Variants in KIF5C observed in about 807,000 individuals in gnomAD.
KIF5C encodes kinesin family member 5C.
A neutral mutation model predicts 125.2 loss-of-function variants in KIF5C; 18 were observed. The observed-to-expected ratio is 0.14, with a 90% CI of 0.10 to 0.21. The LOEUF (loss-of-function observed/expected upper bound fraction) is 0.21. KIF5C is among the 10% of genes least tolerant of loss of function. KIF5C has a pLI of 1.00. For missense variants in KIF5C, 780 were observed against 1,183.8 expected (o/e 0.66, Z 5.01); for synonymous variants, 405 against 434.0 (o/e 0.93, Z 0.83).
intron 1 of KIF5C, among the ~76,000 whole-genome samples, chr2:148,901,064 A>G (rs1364779944): frequency 6.6e-6 from 1 of 152,258 alleles, no homozygotes; most frequent in Non-Finnish European, 1.5e-5. Context: ...AGAAAGGGAC[A>G]TGATACAAGT....
At chr2:149,015,765 G>A (rs1682340643) in intron 25 of KIF5C, among the ~76,000 whole-genome samples, 1 of 152,188 alleles carries the variant, frequency 6.6e-6, no homozygotes, top group Non-Finnish European at 1.5e-5. Flanking sequence ...CATTGGGCAA[G>A]TTACTTGATT....
At chr2:149,002,327 C>T (rs145433955) in intron 21 of KIF5C, among the ~76,000 whole-genome samples, 1 of 152,304 alleles carries the variant, frequency 6.6e-6, no homozygotes, top group Non-Finnish European at 1.5e-5. Context: ...GTCTCACTCA[C>T]ACCTACAACT....
chr2:148,911,392 G>A (rs556446315), intron 1 of KIF5C, among the ~76,000 whole-genome samples: 13 of 152,274 alleles, frequency 8.5e-5, no homozygotes, highest in African/African-American at 2.6e-4. Context: ...CCACAAGGCC[G>A]GGCTGGTGCA....
chr2:149,025,583 G>C lies in KIF5C; in HGVS notation c.*2513G>C, dbSNP rs1407838771. 6.6e-6 allele frequency: 1 copy of C among 152,144 alleles called. No individual in the cohort carries two copies. Among genetic ancestry groups the C allele is most frequent in the Non-Finnish European group, 1.5e-5 (1 of 68,028 alleles). The allele number at this position is 152,144 out of a possible 1,614,324, so 9.4% of individuals were successfully genotyped here. On this transcript the variant is annotated 3_prime_UTR_variant, in exon 26 of 26. Transcript: ENST00000435030. ...ATGAATATGATTTTGGTTATATGCA[G>C]CTTTTGACTAGCATGTATTGTGTCT... is the stretch of plus-strand genomic sequence containing the variant.
At chr2:148,908,871 C>T (rs1053426424) in intron 1 of KIF5C, among the ~76,000 whole-genome samples, 8 of 152,170 alleles carry the variant, frequency 5.3e-5, no homozygotes, top group African/African-American at 1.9e-4. Context: ...TTAGACATCA[C>T]TCTTACAGAA....
chr2:148,996,175 C>T (rs1485958317), intron 17 of KIF5C, among the ~76,000 whole-genome samples: 1 of 152,040 alleles, frequency 6.6e-6, no homozygotes, highest in African/African-American at 2.4e-5. Flanking sequence ...TGAATGGATG[C>T]TTGTGTTCCT....
At chr2:149,015,771 T>C in intron 25 of KIF5C, among the ~76,000 whole-genome samples, 1 of 152,226 alleles carries the variant, frequency 6.6e-6, no homozygotes, top group East Asian at 1.9e-4. Context: ...GCAAGTTACT[T>C]GATTTCTGTC....
chr2:149,013,958 A>T (rs1393927045), intron 25 of KIF5C, among the ~76,000 whole-genome samples: 4 of 152,070 alleles, frequency 2.6e-5, no homozygotes, highest in African/African-American at 9.7e-5. Flanking sequence ...TCTGGGATAC[A>T]TGTGCTCAAT....
chr2:148,880,632 A>G (rs1681321754), intron 1 of KIF5C, among the ~76,000 whole-genome samples: 1 of 152,230 alleles, frequency 6.6e-6, no homozygotes, highest in African/African-American at 2.4e-5. Flanking sequence ...AAGCAGTAAC[A>G]TTTTAAACCA....
At chr2:148,983,872 G>A in intron 15 of KIF5C, 106 bp downstream of exon 15, 1 of 1,294,234 alleles carries the variant, frequency 7.7e-7, no homozygotes. Flanking sequence ...CTTTGCATCT[G>A]CCATGTGCTG....
intron 11 of KIF5C, among the ~76,000 whole-genome samples, chr2:148,965,383 G>A (rs1172843213): frequency 2.0e-5 from 3 of 152,128 alleles, no homozygotes; most frequent in Non-Finnish European, 4.4e-5. Context: ...CACTGGTTGT[G>A]ATGGGAGAAG....
chr2:149,002,149 A>G (rs982998675), intron 21 of KIF5C, among the ~76,000 whole-genome samples: 6 of 152,398 alleles, frequency 3.9e-5, no homozygotes, highest in African/African-American at 1.4e-4. Context: ...CTAATTATAG[A>G]TAATTATAGA....
intron 17 of KIF5C, among the ~76,000 whole-genome samples, chr2:148,995,784 G>A (rs998728005): frequency 2.0e-5 from 3 of 152,204 alleles, no homozygotes; most frequent in African/African-American, 7.2e-5. Context: ...ATGAAGGTGT[G>A]CAGCAATGTT....
chr2:148,881,987 T>C lies in KIF5C; in HGVS notation c.126+6244T>C, dbSNP rs183282215. Among the ~76,000 whole-genome samples, 185 of 152,324 alleles carry C rather than the reference T, an allele frequency of 1.2e-3. 1 individual carries two copies. In the South Asian group the frequency reaches 0.02, roughly 16 times the overall value. On this transcript the variant is annotated intron_variant, in intron 1 of 25. Transcript: ENST00000435030. ...ACCTTACTTTCTTCCAGGTTTTTTT[T>C]CATAAAGTTCTAATTTTGTGGCTGA...
At chr2:148,951,645 C>T (rs1682661875) in intron 10 of KIF5C, among the ~76,000 whole-genome samples, 1 of 152,148 alleles carries the variant, frequency 6.6e-6, no homozygotes, top group Admixed American at 6.5e-5. Context: ...GCTCAGAGGG[C>T]TGAGGTTGGA....
chr2:148,893,279 C>T (rs1400094541), intron 1 of KIF5C, among the ~76,000 whole-genome samples: 1 of 152,156 alleles, frequency 6.6e-6, no homozygotes, highest in African/African-American at 2.4e-5. Flanking sequence ...TCCAAAGTGC[C>T]ACTCAGATTT....
intron 3 of KIF5C, among the ~76,000 whole-genome samples, chr2:148,932,474 C>A (rs1252509218): frequency 6.6e-6 from 1 of 152,196 alleles, no homozygotes; most frequent in African/African-American, 2.4e-5. Context: ...TAATGCTAAG[C>A]TCGGTGGACA....
At position 148,989,657 on chromosome 2, in the gene KIF5C, T is replaced by A. The variant is rs147230415; in HGVS notation, c.1717-1353T>A. Among the ~76,000 whole-genome samples the A allele has an allele frequency of 9.7e-3, 1,473 of 152,324 alleles. 22 individuals carry two copies. Among genetic ancestry groups the A allele is most frequent in the African/African-American group, 0.031 (1,302 of 41,558 alleles). On this transcript the variant is annotated intron_variant, in intron 15 of 25. Coordinates refer to ENST00000435030, the MANE Select transcript of KIF5C (RefSeq NM_004522.3). ...TTCCATGCCAACATCTATTTTTTTT[T>A]ATTTTTTTTATTATGGCCATTCTTG...
At position 148,875,384 on chromosome 2, in the gene KIF5C, G is replaced by A. The variant is rs1681149769; in HGVS notation, c.-234G>A. The A allele has an allele frequency of 2.0e-6, 1 of 499,578 alleles. No individual in the cohort carries two copies. Among genetic ancestry groups the A allele is most frequent in the Non-Finnish European group, 3.5e-6 (1 of 283,604 alleles). 30.9% of individuals were successfully genotyped at this position (499,578 alleles called of 1,614,324 possible). ...CTGGGCAGGGGCGGGGCAGGGCCAG[G>A]GCAGGCCGGTCTGCAGCCGGAGGGG... On this transcript the variant is annotated 5_prime_UTR_variant, in exon 1 of 26. Coordinates refer to ENST00000435030, the MANE Select transcript of KIF5C (RefSeq NM_004522.3).
Sources: allele counts gnomAD v4.1 joint callset (sites outside exome capture counted in the v4.1 genomes callset), GRCh38; gene constraint gnomAD v4.1.1; transcripts MANE v1.5; gene names NCBI Gene and HGNC (gene_info 2026-07-23, HGNC 2026-07-21).